Variants in PHKB observed in about 807,000 individuals in gnomAD.
PHKB encodes phosphorylase b kinase regulatory subunit beta.
Under a neutral mutation model 152.1 loss-of-function variants are expected in PHKB, and 122 were observed. That is an observed-to-expected ratio of 0.80 (90% CI 0.69 to 0.93). PHKB has a LOEUF of 0.93. PHKB is among the 40% of genes least tolerant of loss of function. PHKB has a pLI of 0.00. For synonymous variants in PHKB, 436 were observed against 464.9 expected, an observed-to-expected ratio of 0.94 and a Z score of 0.80; for missense variants, 1,304 against 1,328.4, an observed-to-expected ratio of 0.98 and a Z score of 0.29.
intron 7 of PHKB, among the ~76,000 whole-genome samples, chr16:47,558,931 A>G (rs1450491469): frequency 6.6e-6 from 1 of 152,200 alleles, no homozygotes; most frequent in African/African-American, 2.4e-5. Context: ...TAAAGACAGA[A>G]CCTTGGACTG....
At position 47,479,458 on chromosome 16, in the gene PHKB, A is replaced by AT. The variant is rs1221626791; in HGVS notation, c.77-17928dup. On this transcript the variant is annotated intron_variant, in intron 1 of 30. Coordinates refer to ENST00000323584, the MANE Select transcript of PHKB (RefSeq NM_000293.3). Reference sequence around the variant, plus strand: ...CTTCTTCCCTCCCCTCTTCTCTCTCATTTTTTTTTTTTTCGCAAGATAGTA... The same window carrying AT: ...CTTCTTCCCTCCCCTCTTCTCTCTCATTTTTTTTTTTTTTCGCAAGATAGTA... 5.7e-3 allele frequency among the ~76,000 whole-genome samples: 786 copies of AT among 138,440 alleles called. 1 individual carries two copies. Among genetic ancestry groups the AT allele is most frequent in the Non-Finnish European group, 6.8e-3 (428 of 63,356 alleles). 90.8% of individuals were successfully genotyped at this position (138,440 alleles called of 152,430 possible).
chr16:47,617,266 A>AT (rs201538634), intron 14 of PHKB, among the ~76,000 whole-genome samples: 1 of 148,170 alleles, frequency 6.7e-6, no homozygotes, highest in Non-Finnish European at 1.5e-5. Context: ...TATAATATAA[A>AT]TTTTTTTATA....
At chr16:47,513,031 A>G (rs1400303421) in intron 5 of PHKB, among the ~76,000 whole-genome samples, 1 of 152,206 alleles carries the variant, frequency 6.6e-6, no homozygotes, top group Non-Finnish European at 1.5e-5. Context: ...TTAACCTTTA[A>G]TCAGATTTTA....
chr16:47,536,643 A>T (rs1169772084), intron 6 of PHKB, among the ~76,000 whole-genome samples: 3 of 152,234 alleles, frequency 2.0e-5, no homozygotes, highest in Non-Finnish European at 4.4e-5. Context: ...TTGCAGTAAG[A>T]TGTATACATA....
chr16:47,561,458 T>C (rs1226569856), intron 7 of PHKB: 2 of 152,244 alleles, frequency 1.3e-5, no homozygotes, highest in Admixed American at 6.5e-5. Flanking sequence ...AATGAGAAAT[T>C]GTACAAGAGA....
intron 4 of PHKB, among the ~76,000 whole-genome samples, chr16:47,505,804 G>A (rs767929553): frequency 4.0e-5 from 6 of 151,548 alleles, no homozygotes; most frequent in East Asian, 2.0e-4. Context: ...AGGCAGAGAC[G>A]GGTGGATCGC....
intron 13 of PHKB, among the ~76,000 whole-genome samples, chr16:47,602,424 A>G (rs1452446940): frequency 6.6e-6 from 1 of 152,092 alleles, no homozygotes; most frequent in Admixed American, 6.5e-5. Context: ...TTTTTCCTGT[A>G]GAAATTATAT....
chr16:47,663,144 C>T (rs1973472560), intron 23 of PHKB, among the ~76,000 whole-genome samples: 1 of 152,002 alleles, frequency 6.6e-6, no homozygotes. Flanking sequence ...CTTTTTGGCG[C>T]TCTTTCCTGT....
At chr16:47,640,942 T>G in intron 14 of PHKB, 93 bp from the exon 15 acceptor site, 1 of 1,188,690 alleles carries the variant, frequency 8.4e-7, no homozygotes, top group Non-Finnish European at 1.3e-6. Flanking sequence ...ATGAACTGCT[T>G]AGAGATGGTT....
chr16:47,548,601 C>T (rs1185257848), intron 7 of PHKB, among the ~76,000 whole-genome samples: 19 of 141,146 alleles, frequency 1.3e-4, no homozygotes, highest in Non-Finnish European at 1.8e-4. Context: ...AGCAAGACTC[C>T]GTCTCAAAAA....
intron 20 of PHKB, among the ~76,000 whole-genome samples, chr16:47,652,990 C>G (rs74843212): frequency 7.0e-6 from 1 of 142,098 alleles, no homozygotes; most frequent in Non-Finnish European, 1.5e-5. Context: ...TGATATTGAG[C>G]TTTTTTTTTT....
At chr16:47,663,883 A>G (rs891137233) in intron 24 of PHKB, 149 bp downstream of exon 24, 14 of 675,252 alleles carry the variant, frequency 2.1e-5, no homozygotes, top group African/African-American at 7.1e-5. Context: ...GAATGTGCCT[A>G]TGTAGCATGT....
At chr16:47,665,294 G>A in intron 25 of PHKB, 1 of 320,078 alleles carries the variant, frequency 3.1e-6, no homozygotes, top group South Asian at 3.1e-5. Context: ...ACTTTTGAGG[G>A]AAAAAAATTG....
intron 14 of PHKB, among the ~76,000 whole-genome samples, chr16:47,611,702 T>C (rs574973336): frequency 1.8e-4 from 27 of 152,150 alleles, no homozygotes; most frequent in Non-Finnish European, 3.4e-4. Flanking sequence ...CAATAAGTGC[T>C]TGTTTTAATA....
chr16:47,635,720 A>C (rs1475562204), intron 14 of PHKB, among the ~76,000 whole-genome samples: 1 of 152,234 alleles, frequency 6.6e-6, no homozygotes, highest in African/African-American at 2.4e-5. Context: ...GAGGCAGGAT[A>C]AGTGAGTGAC....
intron 6 of PHKB, among the ~76,000 whole-genome samples, chr16:47,546,795 C>G (rs1971175528): frequency 6.6e-6 from 1 of 152,100 alleles, no homozygotes; most frequent in South Asian, 2.1e-4. Flanking sequence ...TTTACCTACT[C>G]AAGCCTCCAC....
rs187200612 is a variant in PHKB, at chr16:47,497,681, A to G, written c.166+193A>G. Among the ~76,000 whole-genome samples the G allele has an allele frequency of 2.6e-5, 4 of 152,324 alleles. No homozygotes were observed. The East Asian group carries it at 5.8e-4, about 22-fold the overall frequency. On this transcript the variant is annotated intron_variant, in intron 2 of 30. Transcript: ENST00000323584. ...CTATAAAAGGAATCTGGCAGATCAT[A>G]TCTGGCCCTTGAAGAATTTGAAAAC...
chr16:47,528,584 T>C (rs1427334610), intron 6 of PHKB, among the ~76,000 whole-genome samples: 6 of 151,772 alleles, frequency 4.0e-5, no homozygotes, highest in African/African-American at 1.5e-4. Context: ...TTTGGAAACA[T>C]GGAGAATGAG....
At chr16:47,693,041 A>ATTTT (rs1356799269) in intron 27 of PHKB, among the ~76,000 whole-genome samples, 1 of 152,184 alleles carries the variant, frequency 6.6e-6, no homozygotes, top group Non-Finnish European at 1.5e-5. Context: ...AACAACATCA[A>ATTTT]GTTATTATGA....
Sources: gnomAD v4.1 joint callset for allele counts (sites outside exome capture counted in the v4.1 genomes callset) on GRCh38, gnomAD v4.1.1 for gene constraint, MANE v1.5 for transcripts, NCBI Gene and HGNC (gene_info 2026-07-23, HGNC 2026-07-21) for gene names.